The following FARS2 variants were observed in gnomAD, a reference collection of about 807,000 sequenced individuals.
The protein encoded by FARS2 is phenylalanyl-tRNA synthetase 2, mitochondrial, also known as phenylalanine--tRNA ligase, mitochondrial.
FARS2 carries 40 observed loss-of-function variants against 46.4 expected under a neutral mutation model. That is an observed-to-expected ratio of 0.86 (90% CI 0.67 to 1.12). The LOEUF (loss-of-function observed/expected upper bound fraction) is 1.12, where lower values mean the gene tolerates loss of function less well. Ranked by LOEUF, FARS2 falls within the 50% of genes most tolerant of loss-of-function variation. FARS2 has a pLI of 0.00. For synonymous variants in FARS2, 234 were observed against 214.9 expected, an observed-to-expected ratio of 1.09 and a Z score of -0.78; for missense variants, 513 against 567.9, an observed-to-expected ratio of 0.90 and a Z score of 0.98.
intron 5 of FARS2, among the ~76,000 whole-genome samples, chr6:5,566,394 A>G (rs1226016906): frequency 1.3e-5 from 2 of 152,116 alleles, no homozygotes. Context: ...ACTCAAAACC[A>G]TCAGATAACA....
chr6:5,674,423 T>G (rs1312468861), intron 6 of FARS2, among the ~76,000 whole-genome samples: 1 of 152,050 alleles, frequency 6.6e-6, no homozygotes, highest in Non-Finnish European at 1.5e-5. Context: ...GACTTGTTGG[T>G]CAGATGTAGG....
rs887100296 is a variant in FARS2 at position 5,343,273 on chromosome 6, G to A, written c.-21-25277G>A. ...GTTGCCCAGGCTGGAGTGCAGTGGC[G>A]CGATCTTGGCTCACTGCAACCTTCA... On this transcript the variant is annotated intron_variant, in intron 1 of 6. Coordinates refer to ENST00000274680, the MANE Select transcript of FARS2 (RefSeq NM_006567.5). This position sits in a 1 kb window ranked among gnomAD's most constrained non-coding sequence, Gnocchi z 4.5. Among the ~76,000 whole-genome samples, 5 of 152,106 alleles carry A rather than the reference G, an allele frequency of 3.3e-5. No individual in the cohort carries two copies. The highest frequency in any genetic ancestry group is 9.7e-5 in the African/African-American group (4 of 41,398).
chr6:5,428,491 C>G (rs1762972209), intron 3 of FARS2, among the ~76,000 whole-genome samples: 1 of 152,138 alleles, frequency 6.6e-6, no homozygotes. Context: ...TATCCAAAGC[C>G]ATGTACACAA....
At chr6:5,306,196 TTCC>T (rs1430733143) in intron 1 of FARS2, among the ~76,000 whole-genome samples, 1 of 152,206 alleles carries the variant, frequency 6.6e-6, no homozygotes, top group Admixed American at 6.5e-5. Context: ...GGGGTTGTTT[TTCC>T]TCCTTTCTTT....
At chr6:5,739,385 T>G (rs996542488) in intron 6 of FARS2, among the ~76,000 whole-genome samples, 1 of 152,062 alleles carries the variant, frequency 6.6e-6, no homozygotes, top group Non-Finnish European at 1.5e-5. Flanking sequence ...ACTTCTAGCA[T>G]GGCCATTTCC....
intron 2 of FARS2, among the ~76,000 whole-genome samples, chr6:5,378,347 C>T (rs2127663188): frequency 6.6e-6 from 1 of 152,288 alleles, no homozygotes; most frequent in African/African-American, 2.4e-5. Context: ...GAGTGAGGCG[C>T]TTCTTTTTGA....
intron 1 of FARS2, among the ~76,000 whole-genome samples, chr6:5,289,132 A>G (rs1015641042): frequency 6.6e-6 from 1 of 152,222 alleles, no homozygotes; most frequent in Non-Finnish European, 1.5e-5. Flanking sequence ...AAATATTTTG[A>G]TGACACACTT....
chr6:5,329,747 C>A (rs1026056719), intron 1 of FARS2, among the ~76,000 whole-genome samples: 2 of 152,266 alleles, frequency 1.3e-5, no homozygotes, highest in African/African-American at 2.4e-5. Context: ...AGGATACAAC[C>A]CAGGAGGAGA....
In FARS2 at chr6:5,438,996, G is replaced by A. The variant is rs545669561; in HGVS notation, c.904+7824G>A. On this transcript the variant is annotated intron_variant, in intron 4 of 6. Transcript: ENST00000274680. ...TATTGCACTTTCTGAATGGCATCCT[G>A]TCATCTGTGGTGACTGTTGCTGTTT... Among the ~76,000 whole-genome samples, 327 of 152,286 alleles carry A rather than the reference G, an allele frequency of 2.1e-3. 2 individuals are homozygous for A. Among genetic ancestry groups the A allele is most frequent in the African/African-American group, 7.4e-3 (307 of 41,550 alleles).
chr6:5,262,191 T>C (rs751232497), intron 1 of FARS2, among the ~76,000 whole-genome samples: 2 of 152,260 alleles, frequency 1.3e-5, no homozygotes, highest in African/African-American at 2.4e-5. Context: ...GTCACGGTTG[T>C]GTTCTCATCT....
chr6:5,663,682 G>T (rs1399633551), intron 6 of FARS2, among the ~76,000 whole-genome samples: 1 of 152,136 alleles, frequency 6.6e-6, no homozygotes, highest in Non-Finnish European at 1.5e-5. Flanking sequence ...GGGCTCCATG[G>T]CAGATTTGTC....
chr6:5,274,145 G>T lies in FARS2; in HGVS notation c.-22+12485G>T, dbSNP rs563483973. 2.0e-5 allele frequency among the ~76,000 whole-genome samples: 3 copies of T among 152,302 alleles called. No homozygotes were observed. In the South Asian group the frequency reaches 6.2e-4, roughly 32 times the overall value. ...TCTTGGAACCTCCGTAGACAAAGAG[G>T]AGCTACTGTAACTTACCTGTAAAAA... On this transcript the variant is annotated intron_variant, in intron 1 of 6. Coordinates refer to ENST00000274680, the MANE Select transcript of FARS2 (RefSeq NM_006567.5).
At position 5,771,323 on chromosome 6, in the gene FARS2, C is replaced by G; in HGVS notation, c.1250C>G (p.Thr417Arg). The G allele has an allele frequency of 2.5e-6, 4 of 1,614,216 alleles. No homozygotes were observed. The highest frequency in any genetic ancestry group is 3.4e-6 in the Non-Finnish European group (4 of 1,180,050). ...THKTSHCYRI[T>R]YRHMERTLSQ... ...AAGACCAGCCACTGCTACCGCATCA[C>G]GTACCGCCACATGGAACGGACTCTG... Residue 417 changes from threonine (T) to arginine (R), a missense_variant, in exon 7 of 7, where the codon ACG becomes AGG. Coordinates refer to ENST00000274680, the MANE Select transcript of FARS2 (RefSeq NM_006567.5).
chr6:5,682,171 T>G (rs910279347), intron 6 of FARS2, among the ~76,000 whole-genome samples: 4 of 152,196 alleles, frequency 2.6e-5, no homozygotes, highest in Admixed American at 6.5e-5. Flanking sequence ...ACCTAGCTGT[T>G]AAAAATGACA....
At chr6:5,358,902 A>G (rs1037040327) in intron 1 of FARS2, among the ~76,000 whole-genome samples, 1 of 151,988 alleles carries the variant, frequency 6.6e-6, no homozygotes, top group Non-Finnish European at 1.5e-5. Context: ...TATGTTTCTC[A>G]TGGGTATAGA....
At chr6:5,473,298 G>A (rs9405837) in intron 4 of FARS2, among the ~76,000 whole-genome samples, 32,883 of 151,722 alleles carry the variant, frequency 0.22, 4,696 homozygotes, top group East Asian at 0.55. Context: ...AGGCCGAGGT[G>A]GGTGGATCAC....
intron 1 of FARS2, among the ~76,000 whole-genome samples, chr6:5,324,978 C>G (rs528123732): frequency 1.3e-5 from 2 of 152,320 alleles, no homozygotes; most frequent in Non-Finnish European, 2.9e-5. Flanking sequence ...GCAAACACAT[C>G]TGGTTCCTTG....
At chr6:5,715,383 C>T (rs1054329209) in intron 6 of FARS2, among the ~76,000 whole-genome samples, 1 of 152,146 alleles carries the variant, frequency 6.6e-6, no homozygotes, top group African/African-American at 2.4e-5. Context: ...GTGCGTTCGT[C>T]GCCACAGTTG....
In FARS2 at chr6:5,633,514, C is replaced by T. The variant is rs369258542; in HGVS notation, c.1217+20194C>T. Among the ~76,000 whole-genome samples the T allele has an allele frequency of 6.5e-4, 99 of 152,064 alleles. 2 individuals carry two copies. In the South Asian group the frequency reaches 0.02, roughly 30 times the overall value. Reference sequence around the variant, plus strand: ...TGGTCTTGAACTCAGGTGATGCACCCACTTCAGCATCCCAAAGTGCTGGGA... The same window carrying T: ...TGGTCTTGAACTCAGGTGATGCACCTACTTCAGCATCCCAAAGTGCTGGGA... On this transcript the variant is annotated intron_variant, in intron 6 of 6. Coordinates refer to ENST00000274680, the MANE Select transcript of FARS2 (RefSeq NM_006567.5).
Sources: allele counts gnomAD v4.1 joint callset (sites outside exome capture counted in the v4.1 genomes callset), GRCh38; gene constraint gnomAD v4.1.1; non-coding constraint Gnocchi (gnomAD v3.1); transcripts MANE v1.5; gene names NCBI Gene and HGNC (gene_info 2026-07-23, HGNC 2026-07-21).